The following TTN variants were observed in gnomAD, a reference collection of about 807,000 sequenced individuals.
TTN encodes the protein titin, also known as connectin.
In TTN, 1,525 loss-of-function variants were observed where a neutral mutation model predicts 3,223.0. The observed-to-expected ratio is 0.47, with a 90% CI of 0.45 to 0.49. TTN has a LOEUF of 0.49. Among genes scored for constraint, TTN ranks in the 20% least tolerant of loss-of-function variants. The probability of loss-of-function intolerance (pLI) is 0.00; values close to 1 mark genes in which losing one functional copy is unlikely to be tolerated. For missense variants in TTN, 40,786 were observed against 43,424.0 expected (o/e 0.94, Z 5.40); for synonymous variants, 14,094 against 15,161.0 (o/e 0.93, Z 5.17).
In TTN at chr2:178,758,947, A is replaced by G. The variant is rs2088173937; in HGVS notation, c.10303+37T>C. 2.5e-6 allele frequency: 4 copies of G among 1,584,260 alleles called. No homozygotes were observed. The East Asian group carries it at 9.0e-5, about 35-fold the overall frequency. ...TACAGACATTGTTAAGATTCGATCTATATTTAAATGGGGTTCTGAAAGTTG... is the reference window on the plus strand; with the variant it reads ...TACAGACATTGTTAAGATTCGATCTGTATTTAAATGGGGTTCTGAAAGTTG... On this transcript the variant is annotated intron_variant, in intron 44 of 362. Coordinates refer to ENST00000589042, the MANE Select transcript of TTN (RefSeq NM_001267550.2).
intron 131 of TTN, 57 bp from the exon 132 acceptor site, chr2:178,684,470 C>T (rs2070299958): frequency 2.6e-6 from 4 of 1,549,644 alleles, no homozygotes; most frequent in East Asian, 4.5e-5. Flanking sequence ...AAAAAATATA[C>T]TAGCCAGAAA....
intron 155 of TTN, 73 bp from the exon 156 acceptor site, chr2:178,671,243 A>C: frequency 9.6e-7 from 1 of 1,044,824 alleles, no homozygotes. Flanking sequence ...TAACGTTAGT[A>C]CAATGAGGGG....
chr2:178,684,456 A>T, intron 131 of TTN, 43 bp from the exon 132 acceptor site: 10 of 1,586,548 alleles, frequency 6.3e-6, no homozygotes, highest in Non-Finnish European at 8.6e-6. Flanking sequence ...ATCAAAGTGG[A>T]CGTAAAAAAT....
Position 178,649,681 on chromosome 2 carries a change from A to T in TTN, c.39896-50T>A. ...ATAATACAAAGTTGTGAGATGTAAG[A>T]TATACATACAAGTTTATTCAACACT... On this transcript the variant is annotated intron_variant, in intron 211 of 362. Coordinates refer to ENST00000589042, the MANE Select transcript of TTN (RefSeq NM_001267550.2). 1.9e-6 allele frequency: 3 copies of T among 1,541,860 alleles called. 1 individual carries two copies. Among genetic ancestry groups the T allele is most frequent in the South Asian group, 2.3e-5 (2 of 85,666 alleles).
chr2:178,769,077 T>C (rs1329080825), intron 37 of TTN, 144 bp from the exon 38 acceptor site: 9 of 915,466 alleles, frequency 9.8e-6, no homozygotes, highest in Non-Finnish European at 1.5e-5. Context: ...TTTGATACCT[T>C]CCATGTACTA....
chr2:178,779,921 T>C, intron 22 of TTN, 79 bp downstream of exon 22: 1 of 1,477,852 alleles, frequency 6.8e-7, no homozygotes. Context: ...AGCTCATCAC[T>C]TGAAAATGAA....
At chr2:178,754,167 C>T (rs1050165510) in intron 46 of TTN, among the ~76,000 whole-genome samples, 3 of 151,962 alleles carry the variant, frequency 2.0e-5, no homozygotes, top group Non-Finnish European at 4.4e-5. Flanking sequence ...GTTTATTATG[C>T]ACATAATAAC....
chr2:178,681,825 T>A (rs1384534824), intron 135 of TTN, 87 bp from the exon 136 acceptor site: 6 of 1,169,954 alleles, frequency 5.1e-6, no homozygotes, highest in Non-Finnish European at 7.2e-6. Flanking sequence ...ATTGAAATAA[T>A]ATCTTTTATC....
In TTN at chr2:178,713,966, C is replaced by T; in HGVS notation, c.26692G>A (p.Gly8898Arg). 2 of 1,613,634 alleles carry T rather than the reference C, an allele frequency of 1.2e-6. No individual in the cohort carries two copies. The highest frequency in any genetic ancestry group is 1.7e-6 in the Non-Finnish European group (2 of 1,179,686). Reference protein sequence around the residue: ...KIINVAPSDSGVYSFEVQNPV... With the variant: ...KIINVAPSDSRVYSFEVQNPV... ...TTCTGCACCTCAAAACTGTATACCC[C>T]ACTGTCACTCGGTGCTACATTGATG... The change falls in exon 92 of 363, where the codon GGG (glycine) becomes AGG (arginine). Residue 8898 changes from glycine to arginine, a missense_variant. Transcript: ENST00000589042.
Position 178,782,902 on chromosome 2 carries a change from T to C in TTN, c.3004A>G (p.Ile1002Val). 1.2e-6 allele frequency: 2 copies of C among 1,614,090 alleles called. No individual in the cohort carries two copies. Residue 1002 changes from isoleucine (I) to valine (V), a missense_variant, in exon 18 of 363, where the codon ATT becomes GTT. Coordinates refer to ENST00000589042, the MANE Select transcript of TTN (RefSeq NM_001267550.2). ...CTGTCTTCCGCAAATGCTTCGCGAA[T>C]CATAAGACGAGCAATTCCACTCTGG... ...TFQSGIARLMIREAFAEDSGR... is the reference protein window; with the variant it reads ...TFQSGIARLMVREAFAEDSGR...
chr2:178,640,616 G>T lies in TTN; in HGVS notation c.40648C>A (p.Pro13550Thr). The change falls in exon 221 of 363, where the codon CCT (proline) becomes ACT (threonine). Residue 13550 changes from proline (P) to threonine (T), a missense_variant. Pro to Thr is a conservative substitution (Grantham distance 38). Transcript: ENST00000589042. ...VKKPAVPEPP[P>T]PKPVEEVEVP... ...TCAACCTCTTCAACAGGTTTTGGAGGTGGTGGTTCTGGTACTTTAAGATAA... is the reference window on the plus strand; with the variant it reads ...TCAACCTCTTCAACAGGTTTTGGAGTTGGTGGTTCTGGTACTTTAAGATAA... 6.3e-7 allele frequency: 1 copy of T among 1,585,594 alleles called. No individual in the cohort carries two copies. Among genetic ancestry groups the T allele is most frequent in the Non-Finnish European group, 8.5e-7 (1 of 1,169,786 alleles).
rs879170876 is a variant in TTN at position 178,604,090 on chromosome 2, A to G, written c.54597T>C (p.Thr18199=). 1.7e-5 allele frequency: 27 copies of G among 1,612,676 alleles called. No individual in the cohort carries two copies. Among genetic ancestry groups the G allele is most frequent in the Non-Finnish European group, 3.4e-6 (4 of 1,179,134 alleles). The part of the protein sequence containing the change: ...PPLDNGGSPI[T]GYWLEKREEG... ...CTTCTCTTTTCTCCAGCCAGTAGCCAGTAATTGGAGAGCCACCATTGTCCA... is the reference window on the plus strand; with the variant it reads ...CTTCTCTTTTCTCCAGCCAGTAGCCGGTAATTGGAGAGCCACCATTGTCCA... The change falls in exon 282 of 363, where the codon ACT becomes ACC. Residue 18199 remains threonine (T), a synonymous_variant. Coordinates refer to ENST00000589042, the MANE Select transcript of TTN (RefSeq NM_001267550.2).
intron 75 of TTN, 51 bp downstream of exon 75, chr2:178,722,995 G>A: frequency 6.2e-7 from 1 of 1,600,190 alleles, no homozygotes; most frequent in Non-Finnish European, 8.5e-7. Flanking sequence ...AAGAAACTAT[G>A]CTACATGTTA....
intron 223 of TTN, among the ~76,000 whole-genome samples, chr2:178,639,303 C>T (rs1029640681): frequency 3.3e-5 from 5 of 152,008 alleles, no homozygotes; most frequent in African/African-American, 1.2e-4. Context: ...CCAATATACA[C>T]ACTTTTTTAA....
At chr2:178,785,126 G>T (rs1405041197) in intron 15 of TTN, among the ~76,000 whole-genome samples, 1 of 152,128 alleles carries the variant, frequency 6.6e-6, no homozygotes, top group African/African-American at 2.4e-5. Context: ...AGAGCTATTT[G>T]ATTCCACAAT....
intron 13 of TTN, among the ~76,000 whole-genome samples, chr2:178,787,081 G>T (rs1205074032): frequency 6.6e-6 from 1 of 151,058 alleles, no homozygotes; most frequent in East Asian, 1.9e-4. Context: ...CATTTTAAAA[G>T]TGCATTTTAA....
Position 178,695,379 on chromosome 2 carries a change from T to C in TTN, c.31239A>G (p.Val10413=), listed in dbSNP as rs778260645. 2 of 1,612,382 alleles carry C rather than the reference T, an allele frequency of 1.2e-6. No homozygotes were observed. Among genetic ancestry groups the C allele is most frequent in the East Asian group, 2.2e-5 (1 of 44,782 alleles). ...ESHERKVPAK[V]PEKKAPPPPK... ...GAGGTGGTGGTGCTTTCTTTTCAGG[T>C]ACTTTGGCTGGAACTTTTCTCTCAT... Residue 10413 remains valine, a synonymous_variant, in exon 115 of 363, where the codon GTA becomes GTG. Coordinates refer to ENST00000589042, the MANE Select transcript of TTN (RefSeq NM_001267550.2).
rs1314976559 is a variant in TTN, at chr2:178,651,239, G to A, written c.39625+4C>T. On this transcript the variant is annotated splice_donor_region_variant and intron_variant, in intron 208 of 362. Transcript: ENST00000589042. ...TTCTGCAGAATCTCATTAGTGACAT[G>A]TACCTTTTGCTGGTGGGACTTCTGG... The A allele has an allele frequency of 2.5e-6, 4 of 1,611,604 alleles. No homozygotes were observed. Among genetic ancestry groups the A allele is most frequent in the African/African-American group, 2.7e-5 (2 of 74,826 alleles).
chr2:178,667,216 T>C lies in TTN; in HGVS notation c.35797+20A>G. The C allele has an allele frequency of 6.4e-7, 1 of 1,568,914 alleles. No individual in the cohort carries two copies. ...ACAGTATATTTTCTTCTTTAGATTTTCCTAACTAGAGAATTATACCTTCAG... is the reference window on the plus strand; with the variant it reads ...ACAGTATATTTTCTTCTTTAGATTTCCCTAACTAGAGAATTATACCTTCAG... On this transcript the variant is annotated intron_variant, in intron 162 of 362. Coordinates refer to ENST00000589042, the MANE Select transcript of TTN (RefSeq NM_001267550.2).
Sources: allele counts gnomAD v4.1 joint callset (sites outside exome capture counted in the v4.1 genomes callset), GRCh38; gene constraint gnomAD v4.1.1; transcripts MANE v1.5; gene names NCBI Gene and HGNC (gene_info 2026-07-23, HGNC 2026-07-21).